Variants in ESYT2 observed in about 807,000 individuals in gnomAD.
ESYT2 encodes the protein extended synaptotagmin 2.
A neutral mutation model predicts 107.2 loss-of-function variants in ESYT2; 54 were observed. The ratio of observed to expected loss-of-function variants is 0.50; its 90% CI spans 0.40 to 0.63. The LOEUF (loss-of-function observed/expected upper bound fraction) is 0.63, where lower values mean the gene tolerates loss of function less well. Among genes scored for constraint, ESYT2 ranks in the 30% least tolerant of loss-of-function variants. ESYT2 has a pLI of 0.00. For synonymous variants in ESYT2, 491 were observed against 434.1 expected, an observed-to-expected ratio of 1.13 and a Z score of -1.63; for missense variants, 1,020 against 1,094.5, an observed-to-expected ratio of 0.93 and a Z score of 0.96.
In ESYT2 at chr7:158,733,126, G is replaced by A. The variant is rs1429324156; in HGVS notation, c.*1081C>T. The A allele has an allele frequency of 6.6e-6, 1 of 152,212 alleles. No individual in the cohort carries two copies. The highest frequency in any genetic ancestry group is 2.4e-5 in the African/African-American group (1 of 41,450). 9.4% of individuals were successfully genotyped at this position (152,212 alleles called of 1,614,324 possible). A position where few individuals can be genotyped will look rare whatever the true frequency, so the allele number is the denominator to read the frequency against. ...CAGCTGTGGCGCCCCCAACCCTGGT[G>A]GTGGCCAGTGCACATCGGCTCAAAG... On this transcript the variant is annotated 3_prime_UTR_variant, in exon 23 of 23. Coordinates refer to ENST00000275418, the MANE Select transcript of ESYT2 (RefSeq NM_001367773.1).
chr7:158,801,053 G>C (rs922518019), intron 1 of ESYT2, among the ~76,000 whole-genome samples: 18 of 152,168 alleles, frequency 1.2e-4, no homozygotes, highest in African/African-American at 3.9e-4. Context: ...GAGCACGGGA[G>C]GAGGCGGCAC....
chr7:158,734,123 A>G lies in ESYT2; in HGVS notation c.*84T>C. On this transcript the variant is annotated 3_prime_UTR_variant, in exon 23 of 23. Transcript: ENST00000275418. ...TAACTAAATCCATGAAATTATAAAA[A>G]TAACATTGGTACGTCTGTGAGAGGG... 5 of 1,469,280 alleles carry G rather than the reference A, an allele frequency of 3.4e-6. No homozygotes were observed. Among genetic ancestry groups the G allele is most frequent in the Non-Finnish European group, 4.7e-6 (5 of 1,061,696 alleles). The allele number at this position is 1,469,280 out of a possible 1,614,324, so 91.0% of individuals were successfully genotyped here.
intron 7 of ESYT2, among the ~76,000 whole-genome samples, chr7:158,768,962 T>C (rs912828216): frequency 2.6e-5 from 4 of 152,358 alleles, no homozygotes; most frequent in South Asian, 2.1e-4. Flanking sequence ...AACACATTTA[T>C]AAACCTAAGT....
At chr7:158,745,253 C>CTGG (rs1837358855) in intron 16 of ESYT2, among the ~76,000 whole-genome samples, 10 of 81,276 alleles carry the variant, frequency 1.2e-4, no homozygotes, top group African/African-American at 2.7e-4. Flanking sequence ...TCTCCTAGGC[C>CTGG]CGGCTGTTCA....
At chr7:158,790,540 G>C (rs1231461432) in intron 4 of ESYT2, among the ~76,000 whole-genome samples, 1 of 152,204 alleles carries the variant, frequency 6.6e-6, no homozygotes, top group Non-Finnish European at 1.5e-5. Context: ...GGGGGGTGTG[G>C]GGGGAAGGAA....
At chr7:158,816,226 T>C (rs1840145778) in intron 1 of ESYT2, among the ~76,000 whole-genome samples, 1 of 152,184 alleles carries the variant, frequency 6.6e-6, no homozygotes, top group African/African-American at 2.4e-5. Flanking sequence ...GGTACAGGCC[T>C]GTAGTCCCAG....
intron 7 of ESYT2, among the ~76,000 whole-genome samples, chr7:158,770,063 G>T (rs1274757731): frequency 6.6e-6 from 1 of 151,830 alleles, no homozygotes; most frequent in Non-Finnish European, 1.5e-5. Flanking sequence ...ACTAATTTTT[G>T]TATTTTTAGT....
intron 13 of ESYT2, among the ~76,000 whole-genome samples, chr7:158,755,286 T>G (rs1282102328): frequency 6.6e-6 from 1 of 152,212 alleles, no homozygotes; most frequent in Non-Finnish European, 1.5e-5. Flanking sequence ...AGCACTGATC[T>G]GGCTTCACGT....
At chr7:158,771,133 G>C (rs1174493843) in intron 7 of ESYT2, among the ~76,000 whole-genome samples, 1 of 152,204 alleles carries the variant, frequency 6.6e-6, no homozygotes, top group Non-Finnish European at 1.5e-5. Context: ...TAAATAAAAT[G>C]AATCAGGGGA....
chr7:158,746,996 G>C (rs142779110), intron 16 of ESYT2, among the ~76,000 whole-genome samples: 33 of 152,286 alleles, frequency 2.2e-4, no homozygotes, highest in African/African-American at 7.0e-4. Context: ...AGGCTGCAGT[G>C]ATCTGTGATT....
At chr7:158,783,954 C>A (rs543458872) in intron 6 of ESYT2, among the ~76,000 whole-genome samples, 1 of 152,292 alleles carries the variant, frequency 6.6e-6, no homozygotes, top group Non-Finnish European at 1.5e-5. Context: ...GGAGAGGTCC[C>A]TTAAGGACAT....
intron 1 of ESYT2, among the ~76,000 whole-genome samples, chr7:158,808,585 CTG>C (rs1447947389): frequency 3.9e-5 from 6 of 152,172 alleles, no homozygotes; most frequent in African/African-American, 9.7e-5. Context: ...ATCTGTGAAA[CTG>C]AAGAAGGAAA....
Position 158,829,094 on chromosome 7 carries a change from C to G in ESYT2, c.325G>C (p.Ala109Pro), listed in dbSNP as rs926293610. ...RLGVRACDLP[A>P]WVHFPDTERA... ...GGGCAGGGGTCTGCACTCACCCAGG[C>G]GGGCAGGTCGCAGGCGCGCACCCCC... Residue 109 changes from alanine to proline, a missense_variant, in exon 1 of 23, where the codon GCC (alanine) becomes CCC (proline). Coordinates refer to ENST00000275418, the MANE Select transcript of ESYT2 (RefSeq NM_001367773.1). The G allele has an allele frequency of 6.3e-7, 1 of 1,583,570 alleles. No individual in the cohort carries two copies.
intron 4 of ESYT2, 135 bp from the exon 5 acceptor site, chr7:158,788,552 A>G (rs1165905045): frequency 4.3e-6 from 3 of 703,176 alleles, no homozygotes; most frequent in Non-Finnish European, 4.6e-6. Context: ...AAACCCTAAA[A>G]TGTGGCCCAT....
chr7:158,796,630 T>C (rs1451390060), intron 3 of ESYT2, among the ~76,000 whole-genome samples: 1 of 152,082 alleles, frequency 6.6e-6, no homozygotes, highest in African/African-American at 2.4e-5. Context: ...AAAAAGTCAG[T>C]GTTAAAGAGA....
At position 158,731,791 on chromosome 7, in the gene ESYT2, T is replaced by C. The variant is rs1396989803; in HGVS notation, c.*2416A>G. ...AATTCCCTTTTCTTAGATAAACTGA[T>C]TATTTAAAACTGAAAATTAACGTTT... is the stretch of plus-strand genomic sequence containing the variant. On this transcript the variant is annotated 3_prime_UTR_variant, in exon 23 of 23. Transcript: ENST00000275418. 6.6e-6 allele frequency: 1 copy of C among 152,666 alleles called. No homozygotes were observed. The highest frequency in any genetic ancestry group is 1.5e-5 in the Non-Finnish European group (1 of 68,042). The allele number at this position is 152,666 out of a possible 1,614,324, so 9.5% of individuals were successfully genotyped here. A position where few individuals can be genotyped will look rare whatever the true frequency, so the allele number is the denominator to read the frequency against.
chr7:158,760,187 T>C, intron 11 of ESYT2, 40 bp from the exon 12 acceptor site: 1 of 1,583,314 alleles, frequency 6.3e-7, no homozygotes, highest in Non-Finnish European at 8.7e-7. Context: ...AAAGTTCTTC[T>C]GAATCAAAAA....
chr7:158,789,538 T>C (rs565218434), intron 4 of ESYT2, among the ~76,000 whole-genome samples: 2 of 152,216 alleles, frequency 1.3e-5, no homozygotes, highest in South Asian at 4.1e-4. Context: ...GTATTTTTAG[T>C]AGAGATGGGG....
At chr7:158,778,724 C>T (rs1182335649) in intron 6 of ESYT2, among the ~76,000 whole-genome samples, 1 of 152,178 alleles carries the variant, frequency 6.6e-6, no homozygotes, top group Non-Finnish European at 1.5e-5. Context: ...CTCTTCCTCA[C>T]CAAGATTCCG....
Sources: allele counts gnomAD v4.1 joint callset (sites outside exome capture counted in the v4.1 genomes callset), GRCh38; gene constraint gnomAD v4.1.1; transcripts MANE v1.5; gene names NCBI Gene and HGNC (gene_info 2026-07-23, HGNC 2026-07-21).